C8orf34: variants seen among roughly 807,000 people sequenced by gnomAD.
C8orf34 encodes uncharacterized protein C8orf34.
A neutral mutation model predicts 68.3 loss-of-function variants in C8orf34; 65 were observed. That is an observed-to-expected ratio of 0.95 (90% CI 0.78 to 1.17). The LOEUF (loss-of-function observed/expected upper bound fraction) is 1.17. Ranked by LOEUF, C8orf34 falls within the 50% of genes most tolerant of loss-of-function variation. The pLI is 0.00. For synonymous variants in C8orf34, 244 were observed against 241.2 expected (o/e 1.01, Z -0.11); for missense variants, 664 against 655.4 (o/e 1.01, Z -0.14).
chr8:68,442,204 G>A (rs1250618214), intron 2 of C8orf34, among the ~76,000 whole-genome samples: 1 of 152,046 alleles, frequency 6.6e-6, no homozygotes, highest in Non-Finnish European at 1.5e-5. Context: ...GGTCAGATAG[G>A]GAAGATTGAA....
At chr8:68,736,821 A>T (rs907857783) in intron 10 of C8orf34, among the ~76,000 whole-genome samples, 1 of 152,104 alleles carries the variant, frequency 6.6e-6, no homozygotes, top group Non-Finnish European at 1.5e-5. Context: ...CAAACGTCAC[A>T]TTATAGTTCT....
chr8:68,718,890 TTTC>T lies in C8orf34; in HGVS notation c.1328-2463_1328-2461del, dbSNP rs529202920. On this transcript the variant is annotated intron_variant, in intron 9 of 13. Coordinates refer to ENST00000518698, the MANE Select transcript of C8orf34 (RefSeq NM_052958.4). ...ATTACTTTATCTTTCCATGCTTCAG[TTTC>T]TTCTTCTCTAAAATGAGGATATAAG... is the stretch of plus-strand genomic sequence containing the variant. Among the ~76,000 whole-genome samples the T allele has an allele frequency of 7.4e-4, 113 of 152,304 alleles. 2 individuals carry two copies. In the East Asian group the frequency reaches 0.014, roughly 19 times the overall value.
rs915337334 is a variant in C8orf34, at chr8:68,457,727, C to T, written c.608-10965C>T. On this transcript the variant is annotated intron_variant, in intron 3 of 13. Coordinates refer to ENST00000518698, the MANE Select transcript of C8orf34 (RefSeq NM_052958.4). The stretch of plus-strand genomic sequence containing the variant: ...GCTATTTGCAAGGTGCTGTGGGTAC[C>T]TTGCACCTGCACTAGAGTGAGCTCT... Among the ~76,000 whole-genome samples, 3 of 152,058 alleles carry T rather than the reference C, an allele frequency of 2.0e-5. No homozygotes were observed. In the South Asian group the frequency reaches 6.2e-4, roughly 32 times the overall value.
chr8:68,728,730 T>G (rs561676236), intron 10 of C8orf34, among the ~76,000 whole-genome samples: 1 of 152,314 alleles, frequency 6.6e-6, no homozygotes, highest in East Asian at 1.9e-4. Context: ...CCTTGATCCC[T>G]TCAACAACAT....
At chr8:68,439,751 A>G in intron 2 of C8orf34, 105 bp downstream of exon 2, 2 of 1,109,280 alleles carry the variant, frequency 1.8e-6, no homozygotes, top group South Asian at 3.4e-5. Flanking sequence ...TAGTTACCAA[A>G]GGTTTCATGT....
intron 4 of C8orf34, among the ~76,000 whole-genome samples, chr8:68,481,660 T>C (rs1812865351): frequency 1.3e-5 from 2 of 152,218 alleles, no homozygotes; most frequent in Admixed American, 1.3e-4. Context: ...GGAGATCATT[T>C]TGGAGCTTTA....
intron 11 of C8orf34, among the ~76,000 whole-genome samples, chr8:68,780,653 C>T (rs1823648439): frequency 6.6e-6 from 1 of 152,098 alleles, no homozygotes; most frequent in South Asian, 2.1e-4. Flanking sequence ...TTTGGCCCAG[C>T]TCATGCCTGT....
chr8:68,412,877 C>T (rs965211786), intron 1 of C8orf34, among the ~76,000 whole-genome samples: 13 of 152,108 alleles, frequency 8.5e-5, no homozygotes, highest in African/African-American at 2.4e-4. Context: ...ACCACTTCTT[C>T]GTTGTCCCTT....
At chr8:68,554,170 A>G (rs1338924846) in intron 7 of C8orf34, among the ~76,000 whole-genome samples, 8 of 152,176 alleles carry the variant, frequency 5.3e-5, no homozygotes, top group African/African-American at 1.7e-4. Flanking sequence ...TTCATATAGC[A>G]AAAGTTTGAG....
chr8:68,714,796 A>G (rs903357259), intron 9 of C8orf34, among the ~76,000 whole-genome samples: 6 of 152,172 alleles, frequency 3.9e-5, no homozygotes, highest in African/African-American at 1.4e-4. Context: ...TATGGAACCG[A>G]AAAAGAGACT....
intron 4 of C8orf34, among the ~76,000 whole-genome samples, chr8:68,481,892 T>C (rs761454638): frequency 3.9e-5 from 6 of 152,184 alleles, no homozygotes; most frequent in Non-Finnish European, 5.9e-5. Context: ...CTGTGGACTT[T>C]TGGGTTAATG....
chr8:68,587,444 A>G lies in C8orf34; in HGVS notation c.1106-52932A>G, dbSNP rs566823593. ...TGTTGGTTAATAGATTTCAATCTAGACCTCAAGTGGAGCTCTCAGGGATTG... is the reference window on the plus strand; with the variant it reads ...TGTTGGTTAATAGATTTCAATCTAGGCCTCAAGTGGAGCTCTCAGGGATTG... On this transcript the variant is annotated intron_variant, in intron 7 of 13. Transcript: ENST00000518698. 2.0e-5 allele frequency among the ~76,000 whole-genome samples: 3 copies of G among 152,222 alleles called. No homozygotes were observed. In the East Asian group the frequency reaches 5.8e-4, roughly 29 times the overall value.
chr8:68,372,622 T>C (rs1324464601), intron 1 of C8orf34, among the ~76,000 whole-genome samples: 1 of 152,202 alleles, frequency 6.6e-6, no homozygotes, highest in Non-Finnish European at 1.5e-5. Flanking sequence ...ATTATTATAC[T>C]TTAAGTTCTG....
intron 5 of C8orf34, among the ~76,000 whole-genome samples, chr8:68,503,694 T>TTC (rs1229527327): frequency 2.6e-5 from 4 of 150,958 alleles, no homozygotes; most frequent in African/African-American, 9.7e-5. Flanking sequence ...TTCTTTTTTT[T>TTC]TTTTTTTCCA....
At chr8:68,661,778 T>C (rs1435105258) in intron 8 of C8orf34, among the ~76,000 whole-genome samples, 1 of 152,046 alleles carries the variant, frequency 6.6e-6, no homozygotes, top group Non-Finnish European at 1.5e-5. Context: ...TAAGCACTTG[T>C]GGGGTAGTTG....
At chr8:68,626,884 T>C (rs1380207881) in intron 7 of C8orf34, among the ~76,000 whole-genome samples, 2 of 152,134 alleles carry the variant, frequency 1.3e-5, no homozygotes, top group African/African-American at 2.4e-5. Flanking sequence ...AAAAATTCCA[T>C]AAATAAAATG....
chr8:68,476,627 C>A (rs1244534142), intron 4 of C8orf34, among the ~76,000 whole-genome samples: 1 of 152,084 alleles, frequency 6.6e-6, no homozygotes, highest in Non-Finnish European at 1.5e-5. Flanking sequence ...TTATGCCCTA[C>A]AGGGTCTGTA....
chr8:68,515,920 C>T (rs7822196), intron 5 of C8orf34, among the ~76,000 whole-genome samples: 26,992 of 152,090 alleles, frequency 0.18, 5,028 homozygotes, highest in African/African-American at 0.47. Flanking sequence ...GCTAACAGTC[C>T]GCTTACATTA....
At chr8:68,700,690 C>T (rs1220458197) in intron 8 of C8orf34, among the ~76,000 whole-genome samples, 1 of 152,002 alleles carries the variant, frequency 6.6e-6, no homozygotes, top group Non-Finnish European at 1.5e-5. Context: ...CAAGTGGTCT[C>T]ATGCCAAATT....
Sources: gnomAD v4.1 joint callset for allele counts (sites outside exome capture counted in the v4.1 genomes callset) on GRCh38, gnomAD v4.1.1 for gene constraint, MANE v1.5 for transcripts, NCBI Gene and HGNC (gene_info 2026-07-23, HGNC 2026-07-21) for gene names.